NAAA: variants seen among roughly 807,000 people sequenced by gnomAD.
The protein encoded by NAAA is N-acylethanolamine-hydrolyzing acid amidase.
NAAA carries 39 observed loss-of-function variants against 44.8 expected under a neutral mutation model. The observed-to-expected ratio is 0.87, with a 90% CI of 0.67 to 1.14. The LOEUF is 1.14. Among genes scored for constraint, NAAA ranks in the 50% most tolerant of loss-of-function variants. The pLI is 0.00. For synonymous variants in NAAA, 178 were observed against 191.3 expected (o/e 0.93, Z 0.58); for missense variants, 460 against 467.8 (o/e 0.98, Z 0.15).
At chr4:75,917,163 A>G in intron 9 of NAAA, 1 of 841,252 alleles carries the variant, frequency 1.2e-6, no homozygotes, top group Non-Finnish European at 1.4e-6. Context: ...AAAAATGACT[A>G]TTAAAAGGGC....
At chr4:75,923,657 A>G (rs1726384949) in intron 5 of NAAA, among the ~76,000 whole-genome samples, 1 of 151,034 alleles carries the variant, frequency 6.6e-6, no homozygotes, top group Admixed American at 6.6e-5. Context: ...CTCCTGCCTC[A>G]GCCACCCAAG....
In NAAA at chr4:75,940,082, C is replaced by T. The variant is rs1356515694; in HGVS notation, c.290G>A (p.Gly97Asp). Residue 97 changes from glycine to aspartate, a missense_variant, in exon 2 of 11, where the codon GGC becomes GAC. By Grantham distance (94) the Gly-to-Asp change is moderately conservative. Transcript: ENST00000286733. ...LERFLPQPFT[G>D]EIRGMCDFMN... ...GAAGTCACACATGCCGCGGATCTCG[C>T]CGGTGAAGGGCTGGGGCAGGAAGCG... is the stretch of plus-strand genomic sequence containing the variant. 6.2e-7 allele frequency: 1 copy of T among 1,614,114 alleles called. No individual in the cohort carries two copies. The highest frequency in any genetic ancestry group is 8.5e-7 in the Non-Finnish European group (1 of 1,180,038).
rs775937093 is a variant in NAAA, at chr4:75,921,080, A to C, written c.710T>G (p.Leu237Trp). The change falls in exon 6 of 11, where the codon TTG (leucine) becomes TGG (tryptophan). Residue 237 changes from leucine to tryptophan, a missense_variant. Leu to Trp is a moderately conservative substitution (Grantham distance 61). Transcript: ENST00000286733. ...SENFEAAVGK[L>W]AKTPLIADVY... ...ATCAGCAATAAGGGGAGTCTTGGCC[A>C]ACTTGCCAACAGCTGCTTCGAAGTT... 8 of 1,590,492 alleles carry C rather than the reference A, an allele frequency of 5.0e-6. No homozygotes were observed. The South Asian group carries it at 9.3e-5, about 18-fold the overall frequency.
chr4:75,936,241 A>G lies in NAAA; in HGVS notation c.372-6T>C. 1.2e-6 allele frequency: 2 copies of G among 1,611,412 alleles called. No homozygotes were observed. Among genetic ancestry groups the G allele is most frequent in the South Asian group, 2.2e-5 (2 of 90,642 alleles). ...CCACAATACTGGTGCAGAACCTGAGAAAAGGGAAAAGTCCAACATGAATGA... is the reference window on the plus strand; with the variant it reads ...CCACAATACTGGTGCAGAACCTGAGGAAAGGGAAAAGTCCAACATGAATGA... On this transcript the variant is annotated splice_polypyrimidine_tract_variant and splice_region_variant and intron_variant, in intron 2 of 10. Transcript: ENST00000286733.
intron 1 of NAAA, chr4:75,940,410 A>C: frequency 1.7e-6 from 1 of 587,546 alleles, no homozygotes. Flanking sequence ...GGCTGGTCCC[A>C]AAGGGGCAAG....
At chr4:75,936,016 A>T in intron 3 of NAAA, 93 bp downstream of exon 3, 1 of 1,486,770 alleles carries the variant, frequency 6.7e-7, no homozygotes, top group Non-Finnish European at 9.3e-7. Context: ...TCTTACACTG[A>T]TAACACACTT....
At chr4:75,931,686 T>A (rs4859567) in intron 3 of NAAA, among the ~76,000 whole-genome samples, 37,655 of 152,110 alleles carry the variant, frequency 0.25, 4,937 homozygotes, top group East Asian at 0.42. Flanking sequence ...TTGGCTGCAG[T>A]TATTTTGAAA....
chr4:75,927,475 A>G (rs1475976819), intron 4 of NAAA, among the ~76,000 whole-genome samples: 1 of 150,764 alleles, frequency 6.6e-6, no homozygotes, highest in East Asian at 2.0e-4. Flanking sequence ...AAAAGAAAAA[A>G]AACAGGCCTT....
Position 75,925,783 on chromosome 4 carries a change from G to A in NAAA, c.618C>T (p.Ile206=), listed in dbSNP as rs760228636. 16 of 1,614,124 alleles carry A rather than the reference G, an allele frequency of 9.9e-6. No individual in the cohort carries two copies. The highest frequency in any genetic ancestry group is 1.4e-5 in the Non-Finnish European group (16 of 1,180,034). ...RDKGWWWENA[I]AALFRRHIPV... is the part of the protein sequence containing the mutation. ...GAATGTGTCTCCGAAACAGGGCAGCGATAGCATTCTCCCACCACCAGCCTT... is the reference window on the plus strand; with the variant it reads ...GAATGTGTCTCCGAAACAGGGCAGCAATAGCATTCTCCCACCACCAGCCTT... Residue 206 remains isoleucine, a synonymous_variant, in exon 5 of 11, where the codon ATC becomes ATT. Transcript: ENST00000286733.
chr4:75,916,087 C>G (rs1467410065), intron 9 of NAAA, among the ~76,000 whole-genome samples: 1 of 152,194 alleles, frequency 6.6e-6, no homozygotes, highest in East Asian at 1.9e-4. Flanking sequence ...CATAGTTCTG[C>G]TCTCCATTAC....
intron 9 of NAAA, among the ~76,000 whole-genome samples, chr4:75,916,131 C>G (rs576403653): frequency 1.3e-5 from 2 of 152,332 alleles, no homozygotes; most frequent in East Asian, 3.9e-4. Flanking sequence ...TGAGCCACAG[C>G]AGAGGATGGA....
intron 4 of NAAA, chr4:75,930,502 G>T: frequency 1.9e-6 from 1 of 518,332 alleles, no homozygotes; most frequent in Non-Finnish European, 3.9e-6. Context: ...GACATGTGAG[G>T]ATGTACATGG....
intron 2 of NAAA, 100 bp downstream of exon 2, chr4:75,939,901 G>T (rs2149294059): frequency 1.4e-6 from 2 of 1,398,802 alleles, no homozygotes; most frequent in African/African-American, 1.4e-5. Flanking sequence ...AGCAGGCACC[G>T]CCCTGTTTTT....
At chr4:75,930,498 T>C (rs538769936) in intron 4 of NAAA, 1 of 518,616 alleles carries the variant, frequency 1.9e-6, no homozygotes, top group East Asian at 5.5e-5. Context: ...AGAAGACATG[T>C]GAGGATGTAC....
chr4:75,918,106 A>C (rs1026663806), intron 9 of NAAA, among the ~76,000 whole-genome samples: 1 of 152,196 alleles, frequency 6.6e-6, no homozygotes, highest in African/African-American at 2.4e-5. Flanking sequence ...AGCCAGTCAA[A>C]GTGTTTTTCC....
chr4:75,924,134 A>C (rs1726439183), intron 5 of NAAA, among the ~76,000 whole-genome samples: 1 of 151,920 alleles, frequency 6.6e-6, no homozygotes, highest in African/African-American at 2.4e-5. Context: ...TCCACTCTTA[A>C]CCTCACACTG....
At position 75,940,799 on chromosome 4, in the gene NAAA, C is replaced by A. The variant is rs1308006858; in HGVS notation, c.151G>T (p.Val51Leu). ...DSVPELRWLP[V>L]LRHYDLDLVR... Reference sequence around the variant, plus strand: ...AAGTCCAAGTCGTAGTGCCGCAGCACGGGCAGCCAGCGCAGCTCGGGGACC... The same window carrying A: ...AAGTCCAAGTCGTAGTGCCGCAGCAAGGGCAGCCAGCGCAGCTCGGGGACC... Residue 51 changes from valine (V) to leucine (L), a missense_variant, in exon 1 of 11, where the codon GTG (valine) becomes TTG (leucine). By Grantham distance (32) the Val-to-Leu change is conservative. Coordinates refer to ENST00000286733, the MANE Select transcript of NAAA (RefSeq NM_014435.4). 6.3e-7 allele frequency: 1 copy of A among 1,598,840 alleles called. No homozygotes were observed. Among genetic ancestry groups the A allele is most frequent in the Non-Finnish European group, 8.5e-7 (1 of 1,178,746 alleles).
intron 4 of NAAA, among the ~76,000 whole-genome samples, chr4:75,927,440 G>A (rs1726803578): frequency 6.6e-6 from 1 of 151,608 alleles, no homozygotes; most frequent in African/African-American, 2.4e-5. Flanking sequence ...GTAAGACTCT[G>A]TCTTAAGAAA....
downstream of NAAA, among the ~76,000 whole-genome samples, chr4:75,913,056 C>A: frequency 6.6e-6 from 1 of 151,112 alleles, no homozygotes; most frequent in East Asian, 1.9e-4. Flanking sequence ...GCCTGGGAAC[C>A]GAGACACTCC....
Sources: allele counts gnomAD v4.1 joint callset (sites outside exome capture counted in the v4.1 genomes callset), GRCh38; gene constraint gnomAD v4.1.1; transcripts MANE v1.5; gene names NCBI Gene and HGNC (gene_info 2026-07-23, HGNC 2026-07-21).